ATP8A2: variants seen among roughly 807,000 people sequenced by gnomAD.
The protein encoded by ATP8A2 is ATPase phospholipid transporting 8A2.
Under a neutral mutation model 165.6 loss-of-function variants are expected in ATP8A2, and 100 were observed. That is an observed-to-expected ratio of 0.60 (90% CI 0.51 to 0.71). The LOEUF (loss-of-function observed/expected upper bound fraction) is 0.71, where lower values mean the gene tolerates loss of function less well. Among genes scored for constraint, ATP8A2 ranks in the 30% least tolerant of loss-of-function variants. The probability of loss-of-function intolerance (pLI) is 0.00; values close to 1 mark genes in which losing one functional copy is unlikely to be tolerated. For missense variants in ATP8A2, 1,227 were observed against 1,479.5 expected (o/e 0.83, Z 2.80); for synonymous variants, 543 against 548.8 (o/e 0.99, Z 0.15).
chr13:25,880,212 G>A (rs1952937258), intron 33 of ATP8A2, among the ~76,000 whole-genome samples: 1 of 152,166 alleles, frequency 6.6e-6, no homozygotes, highest in South Asian at 2.1e-4. Context: ...AAAGCAATTT[G>A]AATAACAATT....
At chr13:25,616,208 C>T (rs1486766839) in intron 24 of ATP8A2, among the ~76,000 whole-genome samples, 1 of 152,092 alleles carries the variant, frequency 6.6e-6, no homozygotes, top group Non-Finnish European at 1.5e-5. Flanking sequence ...TAAGGTACAT[C>T]TACCAAACCC....
intron 24 of ATP8A2, among the ~76,000 whole-genome samples, chr13:25,594,582 C>G (rs545410372): frequency 1.2e-4 from 18 of 152,252 alleles, no homozygotes; most frequent in African/African-American, 4.1e-4. Context: ...CACCCTTTCC[C>G]CCAAGTCCCC....
chr13:25,600,048 G>T (rs182695235), intron 24 of ATP8A2, among the ~76,000 whole-genome samples: 5 of 152,228 alleles, frequency 3.3e-5, no homozygotes, highest in African/African-American at 1.2e-4. Flanking sequence ...TCAATGTTAA[G>T]AATTGTTAAT....
chr13:25,490,295 C>T (rs1390895075), intron 2 of ATP8A2, among the ~76,000 whole-genome samples: 1 of 152,338 alleles, frequency 6.6e-6, no homozygotes, highest in East Asian at 1.9e-4. Context: ...CTTCACTCTT[C>T]ACAGGGCTAG....
At chr13:25,567,444 C>G (rs561492363) in intron 16 of ATP8A2, 6 of 454,298 alleles carry the variant, frequency 1.3e-5, no homozygotes, top group African/African-American at 1.2e-4. Context: ...TCATCGTCTG[C>G]CCTCCTGAGC....
chr13:25,734,331 G>A (rs750866266), intron 25 of ATP8A2, among the ~76,000 whole-genome samples: 1 of 152,184 alleles, frequency 6.6e-6, no homozygotes, highest in South Asian at 2.1e-4. Context: ...ACTTGCAAAG[G>A]CCATTTGCAA....
chr13:25,724,848 G>A (rs564623159), intron 25 of ATP8A2, among the ~76,000 whole-genome samples: 2 of 152,278 alleles, frequency 1.3e-5, no homozygotes, highest in South Asian at 2.1e-4. Flanking sequence ...AGAACAATCA[G>A]TATAAAGTCT....
intron 2 of ATP8A2, among the ~76,000 whole-genome samples, chr13:25,505,516 T>G (rs867429151): frequency 1.3e-5 from 2 of 152,238 alleles, no homozygotes; most frequent in African/African-American, 4.8e-5. Context: ...CAACCTGATA[T>G]AAGTGCCTTC....
intron 35 of ATP8A2, among the ~76,000 whole-genome samples, chr13:26,006,669 A>T (rs1177133937): frequency 6.6e-6 from 1 of 151,926 alleles, no homozygotes; most frequent in Non-Finnish European, 1.5e-5. Context: ...TGCTCTTTTC[A>T]TGATAAGGAA....
At chr13:25,932,061 AAG>A (rs1491051927) in intron 33 of ATP8A2, among the ~76,000 whole-genome samples, 1 of 146,724 alleles carries the variant, frequency 6.8e-6, no homozygotes, top group Non-Finnish European at 1.5e-5. Flanking sequence ...AAAAAAAAAA[AAG>A]AAAGAAAGAA....
intron 24 of ATP8A2, among the ~76,000 whole-genome samples, chr13:25,649,389 A>G (rs756258445): frequency 1.3e-5 from 2 of 152,140 alleles, no homozygotes; most frequent in African/African-American, 2.4e-5. Context: ...TGGTACCACT[A>G]TTTGAGTTCT....
At chr13:25,402,970 A>G (rs1411204696) in intron 1 of ATP8A2, among the ~76,000 whole-genome samples, 1 of 152,166 alleles carries the variant, frequency 6.6e-6, no homozygotes, top group Non-Finnish European at 1.5e-5. Flanking sequence ...CATCACATGC[A>G]AGAGATAGAA....
chr13:25,808,825 A>G (rs1016459116), intron 27 of ATP8A2, among the ~76,000 whole-genome samples: 2 of 152,064 alleles, frequency 1.3e-5, no homozygotes, highest in Non-Finnish European at 1.5e-5. Context: ...TTTAATACCC[A>G]TGTCTTAACT....
At chr13:25,974,206 G>A (rs200651673) in intron 35 of ATP8A2, among the ~76,000 whole-genome samples, 1 of 152,166 alleles carries the variant, frequency 6.6e-6, no homozygotes, top group East Asian at 1.9e-4. Flanking sequence ...TCGCTTTGAG[G>A]TTTAAATAAA....
chr13:25,873,269 G>A (rs1017521138), intron 33 of ATP8A2, among the ~76,000 whole-genome samples: 1 of 152,038 alleles, frequency 6.6e-6, no homozygotes, highest in African/African-American at 2.4e-5. Context: ...TTAATCTATG[G>A]GCTTATTAAT....
At chr13:25,766,078 T>G (rs1350698180) in intron 25 of ATP8A2, among the ~76,000 whole-genome samples, 2 of 152,202 alleles carry the variant, frequency 1.3e-5, no homozygotes, top group African/African-American at 2.4e-5. Flanking sequence ...TAAGTTCCTG[T>G]TTTACGCTCT....
intron 2 of ATP8A2, among the ~76,000 whole-genome samples, chr13:25,500,496 T>A (rs1403160799): frequency 6.6e-6 from 1 of 152,204 alleles, no homozygotes; most frequent in Non-Finnish European, 1.5e-5. Flanking sequence ...GGAGTGCTCA[T>A]ACAGTGTTAG....
rs143418376 is a variant in ATP8A2 at position 25,985,111 on chromosome 13, A to G, written c.3377+16432A>G. On this transcript the variant is annotated intron_variant, in intron 35 of 36. Coordinates refer to ENST00000381655, the MANE Select transcript of ATP8A2 (RefSeq NM_016529.6). Reference sequence around the variant, plus strand: ...TTGGGCTGACCATAAAGTACCCTCCATCCCCAGGGCACTGCTAATGCGGAG... The same window carrying G: ...TTGGGCTGACCATAAAGTACCCTCCGTCCCCAGGGCACTGCTAATGCGGAG... Among the ~76,000 whole-genome samples the G allele has an allele frequency of 8.4e-3, 1,284 of 152,350 alleles. 9 individuals are homozygous for G. Among genetic ancestry groups the G allele is most frequent in the Middle Eastern group, 0.027 (8 of 294 alleles).
intron 25 of ATP8A2, among the ~76,000 whole-genome samples, chr13:25,754,160 T>A (rs1363057251): frequency 6.6e-6 from 1 of 152,246 alleles, no homozygotes; most frequent in African/African-American, 2.4e-5. Context: ...TTTGTTGCCA[T>A]CTGCATAGCT....
Sources: gnomAD v4.1 joint callset for allele counts (sites outside exome capture counted in the v4.1 genomes callset) on GRCh38, gnomAD v4.1.1 for gene constraint, MANE v1.5 for transcripts, NCBI Gene and HGNC (gene_info 2026-07-23, HGNC 2026-07-21) for gene names.